Variants in MID2 observed in about 807,000 individuals in gnomAD.
The protein encoded by MID2 is midline 2, also known as probable E3 ubiquitin-protein ligase MID2.
MID2 carries 13 observed loss-of-function variants against 46.1 expected under a neutral mutation model. The observed-to-expected ratio is 0.28, with a 90% CI of 0.18 to 0.45. MID2 has a LOEUF of 0.45. Among genes scored for constraint, MID2 ranks in the 20% least tolerant of loss-of-function variants. The pLI is 1.00. For missense variants in MID2, 431 were observed against 575.4 expected (o/e 0.75, Z 2.57); for synonymous variants, 199 against 212.3 (o/e 0.94, Z 0.55).
chrX:107,863,115 A>G (rs1931892837), intron 3 of MID2, among the ~76,000 whole-genome samples: 1 of 112,210 alleles, frequency 8.9e-6, no homozygotes, highest in Admixed American at 9.4e-5. Flanking sequence ...GCCTATTTTT[A>G]TACTAGAAAA....
chrX:107,897,620 A>G (rs1283114549), intron 3 of MID2, among the ~76,000 whole-genome samples: 2 of 111,460 alleles, frequency 1.8e-5, no homozygotes, highest in Non-Finnish European at 3.8e-5. Context: ...TACATTTGAA[A>G]CTTCCTGATA....
At chrX:107,847,364 ACAG>A in intron 2 of MID2, among the ~76,000 whole-genome samples, 1 of 111,706 alleles carries the variant, frequency 9.0e-6, no homozygotes, top group South Asian at 3.7e-4. Context: ...GCTCTGAAGC[ACAG>A]TGGAGGGGTC....
intron 3 of MID2, among the ~76,000 whole-genome samples, chrX:107,876,117 A>G (rs1438259413): frequency 9.0e-6 from 1 of 111,297 alleles, no homozygotes; most frequent in Non-Finnish European, 1.9e-5. Context: ...CTGGCATACT[A>G]TATCTGTAGC....
rs891289787 is a variant in MID2 at position 107,841,180 on chromosome X, A to G, written c.515A>G (p.Asn172Ser). Reference protein sequence around the residue: ...CDRCLRATHPNKKPFTSHRLV... With the variant: ...CDRCLRATHPSKKPFTSHRLV... The stretch of plus-strand genomic sequence containing the variant: ...CGTTGCCTGCGGGCCACGCACCCCA[A>G]CAAGAAACCTTTCACCAGCCACCGC... The change falls in exon 2 of 10, where the codon AAC becomes AGC. Residue 172 changes from asparagine to serine, a missense_variant. Transcript: ENST00000262843. 2 of 1,209,503 alleles carry G rather than the reference A, an allele frequency of 1.7e-6. No homozygotes were observed. The highest frequency in any genetic ancestry group is 2.2e-6 in the Non-Finnish European group (2 of 895,067).
intron 1 of MID2, among the ~76,000 whole-genome samples, chrX:107,831,322 G>A (rs930900144): frequency 2.0e-4 from 22 of 111,889 alleles, no homozygotes; most frequent in African/African-American, 6.8e-4. Context: ...CTGGATCATC[G>A]TCTTACTGAG....
Position 107,891,072 on chromosome X carries a change from C to T in MID2, c.817-12886C>T, listed in dbSNP as rs187830345. On this transcript the variant is annotated intron_variant, in intron 3 of 9. Coordinates refer to ENST00000262843, the MANE Select transcript of MID2 (RefSeq NM_012216.4). ...GACCCCTTGAGCTTCCTGGGTGAGG[C>T]GATGCCTCACCCTGCTTCGGCTCAC... Among the ~76,000 whole-genome samples, 115 of 110,078 alleles carry T rather than the reference C, an allele frequency of 1.0e-3. 2 individuals are homozygous for T. In the East Asian group the frequency reaches 0.019, roughly 18 times the overall value.
At chrX:107,845,630 T>A (rs1179967771) in intron 2 of MID2, among the ~76,000 whole-genome samples, 1 of 108,824 alleles carries the variant, frequency 9.2e-6, no homozygotes, top group Non-Finnish European at 1.9e-5. Context: ...TGGAGGATGT[T>A]CAAAGGAACG....
chrX:107,829,944 G>A (rs1033855200), intron 1 of MID2, among the ~76,000 whole-genome samples: 6 of 112,130 alleles, frequency 5.4e-5, no homozygotes, highest in Non-Finnish European at 1.1e-4. Flanking sequence ...CCTTCCCTAA[G>A]AGCAGGGAAA....
chrX:107,854,648 A>G lies in MID2; in HGVS notation c.760A>G (p.Asn254Asp). ...GAACCTCACCAACCTGGTTAAGCGC[A>G]ACAGCGAACTAGAAAATCAAATGGC... ...EMNLTNLVKR[N>D]SELENQMAKL... The change falls in exon 3 of 10, where the codon AAC becomes GAC. Residue 254 changes from asparagine to aspartate, a missense_variant. Coordinates refer to ENST00000262843, the MANE Select transcript of MID2 (RefSeq NM_012216.4). 8.3e-7 allele frequency: 1 copy of G among 1,211,278 alleles called. No individual in the cohort carries two copies. The highest frequency in any genetic ancestry group is 1.1e-6 in the Non-Finnish European group (1 of 894,951).
Position 107,854,714 on chromosome X carries a change from A to T in MID2, c.816+10A>T, listed in dbSNP as rs1375549145. 7.6e-6 allele frequency: 9 copies of T among 1,178,505 alleles called. No individual in the cohort carries two copies. The highest frequency in any genetic ancestry group is 1.0e-5 in the Non-Finnish European group (9 of 866,788). ...CTGCCAGCAGGTTGAGGTATGTAACAGAAACATTTGTGATTTTTCAGAGGA... is the reference window on the plus strand; with the variant it reads ...CTGCCAGCAGGTTGAGGTATGTAACTGAAACATTTGTGATTTTTCAGAGGA... On this transcript the variant is annotated intron_variant, in intron 3 of 9. Transcript: ENST00000262843.
chrX:107,929,471 A>G lies in MID2; in HGVS notation c.*2398A>G, dbSNP rs147870151. Among the ~76,000 whole-genome samples the G allele has an allele frequency of 9.0e-6, 1 of 111,557 alleles. No homozygotes were observed. Among genetic ancestry groups the G allele is most frequent in the African/African-American group, 3.3e-5 (1 of 30,739 alleles). ...GGTAGCCAAGTTTAACTATTTACACAACTATTCACACAAGTTATTCTCTGG... is the reference window on the plus strand; with the variant it reads ...GGTAGCCAAGTTTAACTATTTACACGACTATTCACACAAGTTATTCTCTGG... On this transcript the variant is annotated 3_prime_UTR_variant, in exon 10 of 10. Transcript: ENST00000262843.
chrX:107,884,335 ATATT>A (rs1421292123), intron 3 of MID2, among the ~76,000 whole-genome samples: 1 of 112,445 alleles, frequency 8.9e-6, no homozygotes, highest in Non-Finnish European at 1.9e-5. Context: ...ATGGAAATCA[ATATT>A]TATTTAATTC....
At chrX:107,862,575 C>T (rs756383860) in intron 3 of MID2, among the ~76,000 whole-genome samples, 1 of 112,071 alleles carries the variant, frequency 8.9e-6, no homozygotes, top group East Asian at 2.8e-4. Context: ...AGTAAGGAAA[C>T]ATTTACTGCC....
intron 1 of MID2, among the ~76,000 whole-genome samples, chrX:107,828,820 G>A (rs772433611): frequency 4.5e-5 from 5 of 112,215 alleles, no homozygotes; most frequent in African/African-American, 1.3e-4. Context: ...TGTGTACTGG[G>A]TATTGTTAGT....
upstream of MID2, chrX:107,825,861 C>T (rs899868777): frequency 9.4e-5 from 23 of 244,798 alleles, no homozygotes; most frequent in East Asian, 1.3e-3. Flanking sequence ...CAGGTTTCTC[C>T]GGTCACTCCT....
intron 1 of MID2, among the ~76,000 whole-genome samples, chrX:107,837,743 A>C (rs1375259809): frequency 1.8e-5 from 2 of 111,472 alleles, no homozygotes; most frequent in Non-Finnish European, 1.9e-5. Context: ...TGGTTGATTT[A>C]TTTAATGATT....
chrX:107,862,697 T>C (rs1156821695), intron 3 of MID2, among the ~76,000 whole-genome samples: 1 of 112,094 alleles, frequency 8.9e-6, no homozygotes, highest in Non-Finnish European at 1.9e-5. Flanking sequence ...AAAAGAAAAG[T>C]TTTAGGGAGG....
rs1318661906 is a variant in MID2, at chrX:107,868,810, C to T, written c.816+14106C>T. On this transcript the variant is annotated intron_variant, in intron 3 of 9. Transcript: ENST00000262843. The stretch of plus-strand genomic sequence containing the variant: ...TTGAGAGCCTGCTTGAAGTTGGACA[C>T]CACAAATTTAAGGGGGATCAATCTA... 3.9e-4 allele frequency among the ~76,000 whole-genome samples: 43 copies of T among 110,358 alleles called. No individual in the cohort carries two copies. In the Admixed American group the frequency reaches 4.2e-3, roughly 11 times the overall value.
intron 4 of MID2, among the ~76,000 whole-genome samples, chrX:107,905,277 G>T (rs1241558104): frequency 9.0e-6 from 1 of 110,887 alleles, no homozygotes; most frequent in Non-Finnish European, 1.9e-5. Flanking sequence ...TATGCAAGCA[G>T]TAGATAAGAG....
Sources: gnomAD v4.1 joint callset for allele counts (sites outside exome capture counted in the v4.1 genomes callset) on GRCh38, gnomAD v4.1.1 for gene constraint, MANE v1.5 for transcripts, NCBI Gene and HGNC (gene_info 2026-07-23, HGNC 2026-07-21) for gene names.